The following BOD1L1 variants were observed in gnomAD, a reference collection of about 807,000 sequenced individuals.
BOD1L1 encodes biorientation of chromosomes in cell division protein 1-like 1.
A neutral mutation model predicts 240.7 loss-of-function variants in BOD1L1; 86 were observed. That is an observed-to-expected ratio of 0.36 (90% CI 0.30 to 0.43). The LOEUF (loss-of-function observed/expected upper bound fraction) is 0.43. Among genes scored for constraint, BOD1L1 ranks in the 20% least tolerant of loss-of-function variants. The pLI is 1.00. For synonymous variants in BOD1L1, 1,268 were observed against 1,272.3 expected (o/e 1.00, Z 0.07); for missense variants, 3,554 against 3,643.5 (o/e 0.98, Z 0.63).
chr4:13,574,717 T>C (rs373198329), intron 25 of BOD1L1, among the ~76,000 whole-genome samples: 22 of 152,164 alleles, frequency 1.4e-4, no homozygotes, highest in East Asian at 7.7e-4. Context: ...ATTTGGATTC[T>C]GTGACTTCTT....
rs149714211 is a variant in BOD1L1, at chr4:13,600,641, C to T, written c.6259G>A (p.Ala2087Thr). The T allele has an allele frequency of 6.1e-5, 98 of 1,613,758 alleles. No homozygotes were observed. Among genetic ancestry groups the T allele is most frequent in the African/African-American group, 2.1e-4 (16 of 74,900 alleles). The change falls in exon 10 of 26, where the codon GCA becomes ACA. Residue 2087 changes from alanine (A) to threonine (T), a missense_variant. Around this residue, in one of 2 missense-constraint regions of BOD1L1, gnomAD observed 3,393 missense variants for 3,427.1 expected, o/e 0.99. Transcript: ENST00000040738. ...AGACCTCCTTCCACATCTGTAATTG[C>T]GCTTACCTGAGGGGTGTAATCATTT... Reference protein sequence around the residue: ...TTNDYTPQVSAITDVEGGLSD... With the variant: ...TTNDYTPQVSTITDVEGGLSD...
rs752177683 is a variant in BOD1L1 at position 13,599,226 on chromosome 4, C to G, written c.7674G>C (p.Gly2558=). 1.2e-6 allele frequency: 2 copies of G among 1,613,812 alleles called. No individual in the cohort carries two copies. The highest frequency in any genetic ancestry group is 2.2e-5 in the South Asian group (2 of 91,066). ...TACTGGTTTTCAAGTTGTCTTCAGACCCCTGCTGCTCAGCAGGAAGAAAGG... is the reference window on the plus strand; with the variant it reads ...TACTGGTTTTCAAGTTGTCTTCAGAGCCCTGCTGCTCAGCAGGAAGAAAGG... ...EHSFLPAEQQ[G]SEDNLKTSTT... Residue 2558 remains glycine (G), a synonymous_variant, in exon 10 of 26, where the codon GGG becomes GGC. Coordinates refer to ENST00000040738, the MANE Select transcript of BOD1L1 (RefSeq NM_148894.3).
intron 13 of BOD1L1, 134 bp downstream of exon 13, chr4:13,591,789 C>T (rs941437871): frequency 3.2e-6 from 2 of 626,390 alleles, no homozygotes; most frequent in Admixed American, 3.5e-5. Flanking sequence ...GAAGAGTACA[C>T]TACCAAATGC....
At chr4:13,576,591 GAATGGGTTCCACCAAATAGGCATTT>G (rs368879247) in intron 25 of BOD1L1, among the ~76,000 whole-genome samples, 34 of 152,316 alleles carry the variant, frequency 2.2e-4, no homozygotes, top group African/African-American at 8.2e-4. Flanking sequence ...GTAAGGAATT[GAATGGGTTCCACCAAATAGGCATTT>G]AAAACCTGGT....
chr4:13,585,439 T>A (rs989235796), intron 17 of BOD1L1, among the ~76,000 whole-genome samples: 1 of 151,582 alleles, frequency 6.6e-6, no homozygotes, highest in Admixed American at 6.6e-5. Flanking sequence ...AATTTTAGAG[T>A]ACTGAGTCTC....
intron 25 of BOD1L1, among the ~76,000 whole-genome samples, chr4:13,574,878 T>C (rs963561478): frequency 1.3e-5 from 2 of 151,782 alleles, no homozygotes; most frequent in Admixed American, 1.3e-4. Flanking sequence ...GTGTTAAGTC[T>C]GGAGGAATTA....
chr4:13,607,950 T>C (rs1462655505), intron 8 of BOD1L1, among the ~76,000 whole-genome samples: 1 of 152,188 alleles, frequency 6.6e-6, no homozygotes, highest in Non-Finnish European at 1.5e-5. Context: ...CTGTGATAAA[T>C]TTACATAAAT....
chr4:13,602,978 T>C lies in BOD1L1; in HGVS notation c.3922A>G (p.Thr1308Ala). The change falls in exon 10 of 26, where the codon ACT (threonine) becomes GCT (alanine). Residue 1308 changes from threonine to alanine, a missense_variant. By Grantham distance (58) the Thr-to-Ala change is moderately conservative (BLOSUM62 0). This residue lies in a region of BOD1L1 where 3,393 missense variants were observed against 3,427.1 expected (regional missense o/e 0.99). Transcript: ENST00000040738. ...PDVIPLFDKR[T>A]VLEGSTASTS... ...CTGGCTGTGCTACCTTCCAAAACAG[T>C]TCTTTTGTCAAACAGAGGAATTACA... 1.2e-6 allele frequency: 2 copies of C among 1,614,000 alleles called. No individual in the cohort carries two copies. The highest frequency in any genetic ancestry group is 2.2e-5 in the South Asian group (2 of 91,080).
rs879109256 is a variant in BOD1L1 at position 13,627,716 on chromosome 4, C to A, written c.-129G>T. The A allele has an allele frequency of 2.0e-5, 17 of 847,078 alleles. No homozygotes were observed. The highest frequency in any genetic ancestry group is 1.6e-4 in the South Asian group (3 of 18,476). 52.5% of individuals were successfully genotyped at this position (847,078 alleles called of 1,614,324 possible). A position where few individuals can be genotyped will look rare whatever the true frequency, so the allele number is the denominator to read the frequency against. On this transcript the variant is annotated 5_prime_UTR_variant, in exon 1 of 26. Transcript: ENST00000040738. Reference sequence around the variant, plus strand: ...TACGGAACCAGCGGATCCAGAGCAACCCCGGAAGTGAAAGGGAACTGGGGG... The same window carrying A: ...TACGGAACCAGCGGATCCAGAGCAAACCCGGAAGTGAAAGGGAACTGGGGG...
At chr4:13,605,941 G>C (rs1447086906) in intron 9 of BOD1L1, among the ~76,000 whole-genome samples, 2 of 152,126 alleles carry the variant, frequency 1.3e-5, no homozygotes, top group Non-Finnish European at 2.9e-5. Context: ...CTAAGTAGGC[G>C]ATTAATATTA....
At chr4:13,581,296 G>T in intron 19 of BOD1L1, 89 bp from the exon 20 acceptor site, 1 of 950,876 alleles carries the variant, frequency 1.1e-6, no homozygotes, top group Non-Finnish European at 1.6e-6. Flanking sequence ...CAGATTTAGA[G>T]TTCCTGTCTA....
intron 25 of BOD1L1, chr4:13,572,605 G>A (rs1712305055): frequency 8.9e-7 from 1 of 1,118,906 alleles, no homozygotes; most frequent in East Asian, 5.9e-5. Context: ...GTTATTTGGT[G>A]AGACAAAATC....
intron 25 of BOD1L1, among the ~76,000 whole-genome samples, chr4:13,570,371 A>G (rs1442703817): frequency 1.3e-5 from 2 of 152,208 alleles, no homozygotes; most frequent in Non-Finnish European, 2.9e-5. Flanking sequence ...CTCTGGTTCC[A>G]GCTCTACCAC....
At chr4:13,625,391 T>C (rs1339833430) in intron 1 of BOD1L1, 2 of 152,232 alleles carry the variant, frequency 1.3e-5, no homozygotes, top group East Asian at 3.8e-4. Context: ...TTTCATTAGA[T>C]GATCAGAGAT....
intron 6 of BOD1L1, among the ~76,000 whole-genome samples, chr4:13,609,688 T>G (rs1458855581): frequency 6.6e-6 from 1 of 152,208 alleles, no homozygotes; most frequent in Non-Finnish European, 1.5e-5. Context: ...GGGAAAGGTA[T>G]AATTTTGGGG....
Position 13,603,419 on chromosome 4 carries a change from T to G in BOD1L1, c.3481A>C (p.Thr1161Pro). Residue 1161 changes from threonine (T) to proline (P), a missense_variant, in exon 10 of 26, where the codon ACT becomes CCT. Transcript: ENST00000040738. ...GTTCTCAATTCATCCTTTTGAACAG[T>G]GGCAGAAGTTTTTTGTTTCATATTT... ...SENMKQKTSA[T>P]VQKDELRTCT... 6.2e-7 allele frequency: 1 copy of G among 1,613,574 alleles called. No homozygotes were observed. Among genetic ancestry groups the G allele is most frequent in the Admixed American group, 1.7e-5 (1 of 59,912 alleles).
At position 13,615,387 on chromosome 4, in the gene BOD1L1, G is replaced by A. The variant is rs1335734277; in HGVS notation, c.484C>T (p.Leu162=). Residue 162 remains leucine, a synonymous_variant, in exon 3 of 26, where the codon CTA becomes TTA. Transcript: ENST00000040738. ...CCACTTCCTTCCTCTTTGTGATTTA[G>A]CGTGGCCAAAAACTCATGCACAGCT... ...EKAVHEFLAT[L]NHKEEGSGNT... The A allele has an allele frequency of 1.2e-6, 2 of 1,613,748 alleles. No individual in the cohort carries two copies. Among genetic ancestry groups the A allele is most frequent in the Non-Finnish European group, 8.5e-7 (1 of 1,179,754 alleles).
chr4:13,602,195 A>C lies in BOD1L1; in HGVS notation c.4705T>G (p.Ser1569Ala), dbSNP rs1715247126. The change falls in exon 10 of 26, where the codon TCC becomes GCC. Residue 1569 changes from serine to alanine, a missense_variant. Physicochemically the swap from Ser to Ala is moderately conservative, Grantham distance 99. Transcript: ENST00000040738. ...CCAACATGAAGAGGATTATTTCTGG[A>C]ATGTGTTCCTATTATGAGGCCTTCA... is the stretch of plus-strand genomic sequence containing the variant. ...ADEGLIIGTH[S>A]RNNPLHVGAE... is the part of the protein sequence containing the mutation. The C allele has an allele frequency of 1.2e-6, 2 of 1,613,764 alleles. No individual in the cohort carries two copies. Among genetic ancestry groups the C allele is most frequent in the Non-Finnish European group, 1.7e-6 (2 of 1,179,754 alleles).
chr4:13,585,981 T>C (rs1226651283), intron 17 of BOD1L1, among the ~76,000 whole-genome samples: 2 of 152,190 alleles, frequency 1.3e-5, no homozygotes, highest in Non-Finnish European at 2.9e-5. Context: ...ATGTCTTTAT[T>C]AGCAGCATGA....
Sources: allele counts gnomAD v4.1 joint callset (sites outside exome capture counted in the v4.1 genomes callset), GRCh38; gene constraint gnomAD v4.1.1; regional missense constraint gnomAD v4.1.1; transcripts MANE v1.5; gene names NCBI Gene and HGNC (gene_info 2026-07-23, HGNC 2026-07-21).